MAGI2: variants seen among roughly 807,000 people sequenced by gnomAD.
MAGI2 encodes the protein membrane-associated guanylate kinase, WW and PDZ domain-containing protein 2.
Under a neutral mutation model 133.3 loss-of-function variants are expected in MAGI2, and 35 were observed. That is an observed-to-expected ratio of 0.26 (90% CI 0.20 to 0.35). MAGI2 has a LOEUF of 0.35. Among genes scored for constraint, MAGI2 ranks in the 10% least tolerant of loss-of-function variants. The pLI, the probability that MAGI2 is intolerant of heterozygous loss-of-function variation, is 1.00. For missense variants in MAGI2, 1,636 were observed against 1,863.4 expected, an observed-to-expected ratio of 0.88 and a Z score of 2.25; for synonymous variants, 729 against 710.6, an observed-to-expected ratio of 1.03 and a Z score of -0.41.
intron 6 of MAGI2, among the ~76,000 whole-genome samples, chr7:78,393,021 G>C (rs73144428): frequency 0.054 from 8,146 of 152,180 alleles, 297 homozygotes; most frequent in Middle Eastern, 0.12. Flanking sequence ...GACAGTGCAT[G>C]GAATATAATA....
chr7:78,133,384 CA>C (rs1407999603), intron 17 of MAGI2, among the ~76,000 whole-genome samples: 1 of 152,152 alleles, frequency 6.6e-6, no homozygotes, highest in Non-Finnish European at 1.5e-5. Flanking sequence ...TCTATTTTTG[CA>C]GCATCGCTTG....
chr7:78,797,514 C>CT (rs1787712972), intron 2 of MAGI2, among the ~76,000 whole-genome samples: 1 of 151,874 alleles, frequency 6.6e-6, no homozygotes, highest in African/African-American at 2.4e-5. Flanking sequence ...TCCAGTGTTT[C>CT]TTTATTATGT....
intron 20 of MAGI2, among the ~76,000 whole-genome samples, chr7:78,091,542 A>C (rs964616944): frequency 2.6e-5 from 4 of 152,336 alleles, no homozygotes. Flanking sequence ...CAAGGAGCTC[A>C]TCTTATTAAT....
chr7:78,548,080 G>A (rs778853680), intron 3 of MAGI2, among the ~76,000 whole-genome samples: 18 of 151,518 alleles, frequency 1.2e-4, no homozygotes, highest in African/African-American at 1.9e-4. Flanking sequence ...CAAGCTCATC[G>A]ATTTTGCCTT....
At chr7:79,292,632 C>T (rs557753479) in intron 1 of MAGI2, among the ~76,000 whole-genome samples, 2 of 149,992 alleles carry the variant, frequency 1.3e-5, no homozygotes, top group African/African-American at 2.5e-5. Context: ...GACCCTGCCA[C>T]CAAAAAAAAA....
chr7:78,867,544 C>T (rs1275737650), intron 2 of MAGI2, among the ~76,000 whole-genome samples: 4 of 84,124 alleles, frequency 4.8e-5, no homozygotes, highest in East Asian at 3.0e-4. Context: ...ACTGCTGTGG[C>T]GTGGGGGGAG....
At chr7:78,769,401 T>G (rs535218355) in intron 2 of MAGI2, among the ~76,000 whole-genome samples, 1 of 152,166 alleles carries the variant, frequency 6.6e-6, no homozygotes, top group Non-Finnish European at 1.5e-5. Context: ...ATATATGTAA[T>G]CTACCCTTTT....
intron 21 of MAGI2, among the ~76,000 whole-genome samples, chr7:78,058,362 G>A (rs532516401): frequency 5.3e-5 from 8 of 151,990 alleles, no homozygotes; most frequent in African/African-American, 1.7e-4. Context: ...CCACTTTTCC[G>A]TGCCCTTCCC....
At chr7:79,190,520 CA>C (rs1181576680) in intron 1 of MAGI2, among the ~76,000 whole-genome samples, 3 of 151,502 alleles carry the variant, frequency 2.0e-5, no homozygotes, top group Non-Finnish European at 2.9e-5. Context: ...TTTTGGATAC[CA>C]ATTCTTCACC....
At chr7:78,391,073 A>G (rs773897429) in intron 6 of MAGI2, among the ~76,000 whole-genome samples, 3 of 152,320 alleles carry the variant, frequency 2.0e-5, no homozygotes, top group Non-Finnish European at 4.4e-5. Context: ...ACATGCAAGG[A>G]AAGACTTGGC....
chr7:78,681,013 C>A (rs1395060440), intron 2 of MAGI2, among the ~76,000 whole-genome samples: 1 of 152,156 alleles, frequency 6.6e-6, no homozygotes. Context: ...GGAGGTGCTA[C>A]TGGCATCCTG....
At chr7:78,061,655 C>A (rs190869866) in intron 21 of MAGI2, among the ~76,000 whole-genome samples, 9 of 152,148 alleles carry the variant, frequency 5.9e-5, no homozygotes, top group African/African-American at 2.2e-4. Context: ...GAAATGAAGG[C>A]AGGGGTGGCA....
chr7:78,490,249 T>C (rs1793475797), intron 5 of MAGI2, among the ~76,000 whole-genome samples: 1 of 152,114 alleles, frequency 6.6e-6, no homozygotes, highest in Non-Finnish European at 1.5e-5. Context: ...TAAACAGTTG[T>C]TTTGTTACTC....
intron 2 of MAGI2, among the ~76,000 whole-genome samples, chr7:78,804,710 CT>C (rs1245098291): frequency 7.2e-6 from 1 of 139,442 alleles, no homozygotes; most frequent in Non-Finnish European, 1.5e-5. Flanking sequence ...GATGGCGCCA[CT>C]GCACTCTAGC....
intron 2 of MAGI2, among the ~76,000 whole-genome samples, chr7:78,654,715 A>ATATG (rs1811962370): frequency 6.0e-5 from 1 of 16,694 alleles, no homozygotes; most frequent in Non-Finnish European, 1.2e-4. Context: ...ATATATATAT[A>ATATG]TATATATATA....
intron 20 of MAGI2, among the ~76,000 whole-genome samples, chr7:78,083,387 G>GAGAGA (rs1816229048): frequency 3.0e-5 from 1 of 33,300 alleles, no homozygotes; most frequent in African/African-American, 1.3e-4. Context: ...AGGGAGGGGG[G>GAGAGA]GAGAGAGAGA....
At chr7:78,965,128 T>C (rs956504013) in intron 2 of MAGI2, among the ~76,000 whole-genome samples, 4 of 151,418 alleles carry the variant, frequency 2.6e-5, no homozygotes, top group Non-Finnish European at 4.4e-5. Context: ...TAATTTAAAA[T>C]ATTTGTATAA....
chr7:78,391,899 C>G (rs12705419), intron 6 of MAGI2, among the ~76,000 whole-genome samples: 125,400 of 152,164 alleles, frequency 0.82, 51,825 homozygotes, highest in African/African-American at 0.87. Flanking sequence ...GTGATAAATA[C>G]ATTTACCTGA....
chr7:78,343,744 G>T (rs758420867), intron 9 of MAGI2, 34 bp downstream of exon 9: 11 of 1,406,916 alleles, frequency 7.8e-6, no homozygotes, highest in Non-Finnish European at 9.3e-6. Flanking sequence ...AAAAGATGTT[G>T]CAAAACAATT....
Sources: gnomAD v4.1 joint callset for allele counts (sites outside exome capture counted in the v4.1 genomes callset) on GRCh38, gnomAD v4.1.1 for gene constraint, MANE v1.5 for transcripts, NCBI Gene and HGNC (gene_info 2026-07-23, HGNC 2026-07-21) for gene names.